Variants in COL15A1 observed in about 807,000 individuals in gnomAD.
COL15A1 encodes the protein collagen alpha-1(XV) chain.
In COL15A1, 111 loss-of-function variants were observed where a neutral mutation model predicts 165.9. That is an observed-to-expected ratio of 0.67 (90% CI 0.57 to 0.78). COL15A1 has a LOEUF of 0.78. Among genes scored for constraint, COL15A1 ranks in the 30% least tolerant of loss-of-function variants. The pLI, the probability that COL15A1 is intolerant of heterozygous loss-of-function variation, is 0.00. For synonymous variants in COL15A1, 659 were observed against 674.8 expected, an observed-to-expected ratio of 0.98 and a Z score of 0.36; for missense variants, 1,745 against 1,789.7, an observed-to-expected ratio of 0.98 and a Z score of 0.45.
chr9:99,001,725 C>A (rs975147478), intron 7 of COL15A1, among the ~76,000 whole-genome samples: 1 of 152,154 alleles, frequency 6.6e-6, no homozygotes, highest in African/African-American at 2.4e-5. Flanking sequence ...TCCTCTAGAG[C>A]TATTTTTAAC....
chr9:99,048,066 C>T, intron 28 of COL15A1, 66 bp downstream of exon 28: 1 of 841,256 alleles, frequency 1.2e-6, no homozygotes, highest in East Asian at 2.6e-5. Flanking sequence ...GTGGGGTCCA[C>T]AGAGCAGGGC....
intron 5 of COL15A1, among the ~76,000 whole-genome samples, chr9:98,991,054 G>A (rs1312344978): frequency 2.0e-5 from 3 of 152,162 alleles, no homozygotes; most frequent in Non-Finnish European, 4.4e-5. Context: ...GTTCCTCCCG[G>A]TGGGTTCATG....
chr9:98,967,549 T>G (rs1041100258), intron 2 of COL15A1, among the ~76,000 whole-genome samples: 1 of 152,226 alleles, frequency 6.6e-6, no homozygotes, highest in African/African-American at 2.4e-5. Context: ...TTTCCATCAG[T>G]GGGATCTAGT....
intron 23 of COL15A1, 151 bp downstream of exon 23, chr9:99,040,707 T>A: frequency 7.0e-7 from 1 of 1,421,768 alleles, no homozygotes; most frequent in Non-Finnish European, 9.7e-7. Flanking sequence ...TTGATAGATA[T>A]GGGGTTTTGC....
chr9:98,960,913 T>C (rs1452798672), intron 2 of COL15A1, among the ~76,000 whole-genome samples: 2 of 152,242 alleles, frequency 1.3e-5, no homozygotes, highest in East Asian at 1.9e-4. Context: ...TGTAAGTCCA[T>C]CTTGCTGAGG....
At chr9:99,052,773 C>T (rs1047784733) in intron 31 of COL15A1, among the ~76,000 whole-genome samples, 1 of 152,108 alleles carries the variant, frequency 6.6e-6, no homozygotes, top group African/African-American at 2.4e-5. Context: ...GCCTGAGAAG[C>T]GCTGTTCCTG....
intron 39 of COL15A1, 64 bp from the exon 40 acceptor site, chr9:99,066,818 A>T: frequency 6.9e-7 from 1 of 1,441,822 alleles, no homozygotes; most frequent in Non-Finnish European, 9.4e-7. Flanking sequence ...GGAATGTGAG[A>T]TGGTTCTGGG....
chr9:98,949,938 G>A (rs1837651791), intron 2 of COL15A1, among the ~76,000 whole-genome samples: 1 of 152,186 alleles, frequency 6.6e-6, no homozygotes, highest in African/African-American at 2.4e-5. Context: ...GAATCATACA[G>A]TGTATGACCT....
At chr9:99,020,270 G>T in intron 11 of COL15A1, 119 bp from the exon 12 acceptor site, 1 of 757,448 alleles carries the variant, frequency 1.3e-6, no homozygotes, top group South Asian at 1.6e-5. Flanking sequence ...CTTCAGCCCA[G>T]TACAAGCCCT....
At position 99,056,631 on chromosome 9, in the gene COL15A1, T is replaced by C. The variant is rs140354393; in HGVS notation, c.3337+227T>C. ...ATATATTCATGAAGTTATGCAGTCATCACCACTGTCTAATTCTAGACCATT... is the reference window on the plus strand; with the variant it reads ...ATATATTCATGAAGTTATGCAGTCACCACCACTGTCTAATTCTAGACCATT... On this transcript the variant is annotated intron_variant, in intron 35 of 41. Coordinates refer to ENST00000375001, the MANE Select transcript of COL15A1 (RefSeq NM_001855.5). Among the ~76,000 whole-genome samples the C allele has an allele frequency of 5.8e-3, 878 of 152,338 alleles. 11 individuals carry two copies. Among genetic ancestry groups the C allele is most frequent in the African/African-American group, 0.019 (810 of 41,574 alleles).
intron 5 of COL15A1, among the ~76,000 whole-genome samples, chr9:98,993,783 G>A (rs867652124): frequency 2.6e-5 from 4 of 152,128 alleles, no homozygotes; most frequent in Admixed American, 1.3e-4. Flanking sequence ...CCTCTAGGAC[G>A]GGGAATTTCC....
chr9:99,059,773 T>C, intron 35 of COL15A1, 116 bp from the exon 36 acceptor site: 1 of 1,123,330 alleles, frequency 8.9e-7, no homozygotes, highest in Non-Finnish European at 1.3e-6. Flanking sequence ...GAAGTTGGGA[T>C]GCTTTGTGGC....
At chr9:99,045,182 G>A (rs1008878205) in intron 26 of COL15A1, among the ~76,000 whole-genome samples, 4 of 152,164 alleles carry the variant, frequency 2.6e-5, no homozygotes, top group Non-Finnish European at 4.4e-5. Context: ...AAACCCAGAC[G>A]CTTGTGGCCT....
chr9:98,996,336 T>C (rs551740599), intron 5 of COL15A1, among the ~76,000 whole-genome samples: 121 of 152,308 alleles, frequency 7.9e-4, no homozygotes, highest in Non-Finnish European at 1.4e-3. Context: ...GCTGTGACTT[T>C]TGGAGCCCAT....
At chr9:99,006,619 T>G (rs914297538) in intron 9 of COL15A1, among the ~76,000 whole-genome samples, 2 of 150,632 alleles carry the variant, frequency 1.3e-5, no homozygotes, top group Non-Finnish European at 3.0e-5. Context: ...GGCTGTCTCC[T>G]TCTCCTTCTT....
At chr9:98,979,562 G>A (rs780308029) in intron 2 of COL15A1, among the ~76,000 whole-genome samples, 20 of 152,022 alleles carry the variant, frequency 1.3e-4, no homozygotes, top group Non-Finnish European at 2.6e-4. Context: ...GCATATTAGA[G>A]AAATGAGTTT....
At chr9:98,972,983 C>A (rs1291493422) in intron 2 of COL15A1, among the ~76,000 whole-genome samples, 3 of 152,212 alleles carry the variant, frequency 2.0e-5, no homozygotes, top group Admixed American at 6.5e-5. Flanking sequence ...GGGCTTGACT[C>A]CCTACTCTGC....
chr9:98,996,145 C>T (rs1838539591), intron 5 of COL15A1, among the ~76,000 whole-genome samples: 1 of 152,168 alleles, frequency 6.6e-6, no homozygotes, highest in African/African-American at 2.4e-5. Flanking sequence ...AACAAATTAA[C>T]CTCAAAAATC....
intron 2 of COL15A1, among the ~76,000 whole-genome samples, chr9:98,976,450 C>T (rs1286308064): frequency 6.6e-6 from 1 of 152,184 alleles, no homozygotes; most frequent in East Asian, 1.9e-4. Flanking sequence ...TCCTTCCTCC[C>T]CTCCCTGGGT....
Sources: gnomAD v4.1 joint callset for allele counts (sites outside exome capture counted in the v4.1 genomes callset) on GRCh38, gnomAD v4.1.1 for gene constraint, MANE v1.5 for transcripts, NCBI Gene and HGNC (gene_info 2026-07-23, HGNC 2026-07-21) for gene names.